Variants in CCDC171 observed in about 807,000 individuals in gnomAD.
CCDC171 encodes the protein coiled-coil domain containing 171.
CCDC171 carries 177 observed loss-of-function variants against 168.2 expected under a neutral mutation model. The observed-to-expected ratio is 1.05, with a 90% CI of 0.93 to 1.19. The LOEUF is 1.19. CCDC171 is among the 50% of genes most tolerant of loss of function. The pLI, the probability that CCDC171 is intolerant of heterozygous loss-of-function variation, is 0.00. For missense variants in CCDC171, 1,991 were observed against 1,539.0 expected (o/e 1.29, Z -4.91); for synonymous variants, 687 against 540.8 (o/e 1.27, Z -3.75).
rs528292384 is a variant in CCDC171, at chr9:15,968,873, A to G, written c.3754-2736A>G. 3.3e-5 allele frequency among the ~76,000 whole-genome samples: 5 copies of G among 152,280 alleles called. No homozygotes were observed. In the South Asian group the frequency reaches 1.0e-3, roughly 32 times the overall value. On this transcript the variant is annotated intron_variant, in intron 25 of 25. Coordinates refer to ENST00000380701, the MANE Select transcript of CCDC171 (RefSeq NM_173550.4). ...TTTTTAAGCTTTTAAGTGACTTAAA[A>G]TCAGACTTTACCTCATTTCATGAAA...
chr9:15,976,090 A>G (rs1831611873), downstream of CCDC171, among the ~76,000 whole-genome samples: 4 of 152,168 alleles, frequency 2.6e-5, no homozygotes, highest in Admixed American at 2.6e-4. Context: ...AAGCAGAAAG[A>G]GGCAAGGAAA....
chr9:15,863,007 T>G (rs1234959211), intron 23 of CCDC171, among the ~76,000 whole-genome samples: 1 of 151,844 alleles, frequency 6.6e-6, no homozygotes, highest in Non-Finnish European at 1.5e-5. Flanking sequence ...GGGAGAGCTG[T>G]TATGAATATC....
At chr9:15,944,496 G>A (rs903400712) in intron 25 of CCDC171, among the ~76,000 whole-genome samples, 3 of 151,958 alleles carry the variant, frequency 2.0e-5, no homozygotes, top group Admixed American at 6.6e-5. Context: ...CCTTAAATGT[G>A]TTAATGTATT....
chr9:16,091,134 T>C, the CCDC171 span, among the ~76,000 whole-genome samples: 1 of 152,214 alleles, frequency 6.6e-6, no homozygotes, highest in Non-Finnish European at 1.5e-5. Flanking sequence ...ATTAGCTGCC[T>C]GGAGCTGCCT....
intron 25 of CCDC171, among the ~76,000 whole-genome samples, chr9:15,940,562 A>G (rs1034502301): frequency 1.3e-5 from 2 of 152,004 alleles, no homozygotes; most frequent in Non-Finnish European, 2.9e-5. Flanking sequence ...ATCATCAAAC[A>G]TCTTGTACTA....
intron 18 of CCDC171, among the ~76,000 whole-genome samples, chr9:15,756,350 C>T (rs951284470): frequency 2.6e-5 from 4 of 152,068 alleles, no homozygotes; most frequent in African/African-American, 4.8e-5. Flanking sequence ...TCAGCTCACA[C>T]AAGAATGGTT....
At chr9:15,869,707 G>A (rs1056755775) in intron 23 of CCDC171, among the ~76,000 whole-genome samples, 82 of 151,762 alleles carry the variant, frequency 5.4e-4, no homozygotes, top group African/African-American at 1.9e-3. Flanking sequence ...GTTAGCCGTG[G>A]TCAGGAAAGT....
chr9:15,761,774 T>G (rs1197066916), intron 18 of CCDC171, among the ~76,000 whole-genome samples: 1 of 152,202 alleles, frequency 6.6e-6, no homozygotes, highest in Non-Finnish European at 1.5e-5. Context: ...GGAGCCACAA[T>G]TTAACTTACA....
chr9:15,554,990 C>T (rs888269204), intron 1 of CCDC171, among the ~76,000 whole-genome samples: 3 of 152,042 alleles, frequency 2.0e-5, no homozygotes, highest in Admixed American at 6.6e-5. Context: ...CTCGTTTTTC[C>T]TCTGATCTGT....
At chr9:15,636,908 A>G (rs894843079) in intron 7 of CCDC171, among the ~76,000 whole-genome samples, 1 of 152,072 alleles carries the variant, frequency 6.6e-6, no homozygotes, top group African/African-American at 2.4e-5. Flanking sequence ...GTACTATGTA[A>G]TAACGAATTT....
chr9:15,901,954 G>A (rs1341733), intron 24 of CCDC171, among the ~76,000 whole-genome samples: 130,401 of 152,160 alleles, frequency 0.86, 55,943 homozygotes, highest in East Asian at 0.96. Flanking sequence ...TGTTGTGACA[G>A]CATGCTTCAA....
At chr9:15,912,557 T>G (rs1055270553) in intron 24 of CCDC171, among the ~76,000 whole-genome samples, 34 of 152,226 alleles carry the variant, frequency 2.2e-4, no homozygotes. Flanking sequence ...CTTGCCTGAT[T>G]GCCTTGGCCA....
chr9:15,944,606 G>C (rs1564039619), intron 25 of CCDC171, among the ~76,000 whole-genome samples: 3 of 151,986 alleles, frequency 2.0e-5, no homozygotes, highest in Admixed American at 1.3e-4. Context: ...AACACAGGCA[G>C]TTCAGCTCAA....
rs1008420156 is a variant in CCDC171, at chr9:15,785,584, C to T, written c.3267+890C>T. 7.0e-4 allele frequency among the ~76,000 whole-genome samples: 107 copies of T among 151,978 alleles called. 1 individual carries two copies. Among genetic ancestry groups the T allele is most frequent in the African/African-American group, 2.4e-3 (98 of 41,384 alleles). Reference sequence around the variant, plus strand: ...ACACAAACTGTATGGGATTATAAAACACTTAGGTACTCCTCACACAAACTG... The same window carrying T: ...ACACAAACTGTATGGGATTATAAAATACTTAGGTACTCCTCACACAAACTG... On this transcript the variant is annotated intron_variant, in intron 21 of 25. Coordinates refer to ENST00000380701, the MANE Select transcript of CCDC171 (RefSeq NM_173550.4).
chr9:15,667,131 A>G (rs1032660947), intron 9 of CCDC171, among the ~76,000 whole-genome samples: 2 of 152,180 alleles, frequency 1.3e-5, no homozygotes, highest in African/African-American at 4.8e-5. Flanking sequence ...ATTCTGTGAA[A>G]TGATTTAAGA....
At chr9:15,690,614 G>C (rs570055559) in intron 10 of CCDC171, among the ~76,000 whole-genome samples, 1 of 151,998 alleles carries the variant, frequency 6.6e-6, no homozygotes, top group Non-Finnish European at 1.5e-5. Context: ...AGGAAAATAT[G>C]ACATAAAAAT....
At chr9:15,609,566 C>T (rs866915346) in intron 6 of CCDC171, among the ~76,000 whole-genome samples, 7 of 152,222 alleles carry the variant, frequency 4.6e-5, no homozygotes, top group Admixed American at 3.3e-4. Flanking sequence ...TGTCCCTGTA[C>T]TAGTTATTCA....
At chr9:15,679,011 G>C (rs912550509) in intron 10 of CCDC171, 115 bp downstream of exon 10, 41 of 722,064 alleles carry the variant, frequency 5.7e-5, no homozygotes, top group Non-Finnish European at 8.6e-5. Context: ...TTATTTTAGT[G>C]ACATTGATAA....
intron 21 of CCDC171, among the ~76,000 whole-genome samples, chr9:15,823,265 G>A (rs2059870009): frequency 6.6e-6 from 1 of 152,000 alleles, no homozygotes; most frequent in African/African-American, 2.4e-5. Context: ...CATGGCACAT[G>A]TATACGTATG....
Sources: gnomAD v4.1 joint callset for allele counts (sites outside exome capture counted in the v4.1 genomes callset) on GRCh38, gnomAD v4.1.1 for gene constraint, MANE v1.5 for transcripts, NCBI Gene and HGNC (gene_info 2026-07-23, HGNC 2026-07-21) for gene names.